The following GPC5 variants were observed in gnomAD, a reference collection of about 807,000 sequenced individuals.
The protein encoded by GPC5 is glypican-5.
GPC5 carries 47 observed loss-of-function variants against 53.9 expected under a neutral mutation model. The ratio of observed to expected loss-of-function variants is 0.87; its 90% CI spans 0.69 to 1.11. The LOEUF (loss-of-function observed/expected upper bound fraction) is 1.11. Ranked by LOEUF, GPC5 falls within the 50% of genes most tolerant of loss-of-function variation. GPC5 has a pLI of 0.00. For synonymous variants in GPC5, 286 were observed against 263.3 expected (o/e 1.09, Z -0.84); for missense variants, 748 against 713.1 (o/e 1.05, Z -0.56).
intron 7 of GPC5, among the ~76,000 whole-genome samples, chr13:92,658,709 A>G (rs1886220381): frequency 6.6e-6 from 1 of 152,182 alleles, no homozygotes; most frequent in South Asian, 2.1e-4. Flanking sequence ...AAAATGACAT[A>G]AAGCATAAGG....
At chr13:92,175,693 T>C (rs2042104355) in intron 7 of GPC5, among the ~76,000 whole-genome samples, 1 of 152,162 alleles carries the variant, frequency 6.6e-6, no homozygotes, top group Admixed American at 6.5e-5. Context: ...TGTTCTTTAT[T>C]AACTGTAACA....
intron 7 of GPC5, among the ~76,000 whole-genome samples, chr13:92,759,078 C>A (rs1182330548): frequency 4.1e-5 from 5 of 121,690 alleles, no homozygotes; most frequent in South Asian, 2.8e-4. Context: ...TCCGGACTTT[C>A]TACTCTATCC....
chr13:92,786,407 A>G (rs916704307), intron 7 of GPC5, among the ~76,000 whole-genome samples: 6 of 152,100 alleles, frequency 3.9e-5, no homozygotes, highest in African/African-American at 1.2e-4. Flanking sequence ...GTAATAGGAG[A>G]TAACTGGATA....
intron 7 of GPC5, among the ~76,000 whole-genome samples, chr13:92,507,380 A>G (rs999976268): frequency 6.6e-6 from 1 of 152,256 alleles, no homozygotes; most frequent in African/African-American, 2.4e-5. Flanking sequence ...TGAAACAATG[A>G]ATGAATGAAT....
At chr13:92,848,478 G>A (rs1878681865) in intron 7 of GPC5, among the ~76,000 whole-genome samples, 1 of 151,844 alleles carries the variant, frequency 6.6e-6, no homozygotes, top group Non-Finnish European at 1.5e-5. Context: ...CTAAATGTAG[G>A]GTACTATGAA....
At position 91,599,177 on chromosome 13, in the gene GPC5, A is replaced by G. The variant is rs9515946; in HGVS notation, c.326-94010A>G. Reference sequence around the variant, plus strand: ...ATGCCTAGTAATTTAAAAATTTCCTATGAAATATTATTCCATACTTATAAT... The same window carrying G: ...ATGCCTAGTAATTTAAAAATTTCCTGTGAAATATTATTCCATACTTATAAT... On this transcript the variant is annotated intron_variant, in intron 2 of 7. Transcript: ENST00000377067. Among the ~76,000 whole-genome samples, 995 of 152,246 alleles carry G rather than the reference A, an allele frequency of 6.5e-3. 6 individuals carry two copies. The highest frequency in any genetic ancestry group is 0.011 in the Non-Finnish European group (743 of 67,998).
At chr13:92,120,052 T>G (rs1301311995) in intron 6 of GPC5, among the ~76,000 whole-genome samples, 1 of 152,144 alleles carries the variant, frequency 6.6e-6, no homozygotes, top group Non-Finnish European at 1.5e-5. Flanking sequence ...CTATAAAAGT[T>G]GCCTAATCAG....
chr13:91,887,566 C>A (rs918724956), intron 5 of GPC5, among the ~76,000 whole-genome samples: 2 of 152,056 alleles, frequency 1.3e-5, no homozygotes, highest in East Asian at 1.9e-4. Context: ...TTTTCCAAAC[C>A]TTTATGCTCT....
chr13:92,420,413 A>G (rs1876505653), intron 7 of GPC5, among the ~76,000 whole-genome samples: 1 of 152,058 alleles, frequency 6.6e-6, no homozygotes, highest in South Asian at 2.1e-4. Flanking sequence ...CATGCTTTGT[A>G]CCATGTTTTG....
chr13:92,542,460 C>A (rs1380047170), intron 7 of GPC5, among the ~76,000 whole-genome samples: 2 of 152,008 alleles, frequency 1.3e-5, no homozygotes, highest in Non-Finnish European at 2.9e-5. Flanking sequence ...CGGTGCCTGG[C>A]TCATTTCCCT....
At chr13:91,432,184 ACTG>A (rs1260967783) in intron 1 of GPC5, among the ~76,000 whole-genome samples, 7 of 129,304 alleles carry the variant, frequency 5.4e-5, no homozygotes, top group South Asian at 2.8e-4. Flanking sequence ...TGCTGCTTCC[ACTG>A]CTGCTGCTGC....
At chr13:92,576,875 T>G (rs567335739) in intron 7 of GPC5, among the ~76,000 whole-genome samples, 1 of 152,314 alleles carries the variant, frequency 6.6e-6, no homozygotes, top group South Asian at 2.1e-4. Context: ...CTACTTCACC[T>G]GTATATAGCT....
At chr13:91,765,049 A>G (rs1310378668) in intron 5 of GPC5, among the ~76,000 whole-genome samples, 1 of 152,194 alleles carries the variant, frequency 6.6e-6, no homozygotes, top group Non-Finnish European at 1.5e-5. Flanking sequence ...AGCCCATAGA[A>G]ACCTTCCCTC....
chr13:92,058,308 T>C (rs1016137348), intron 6 of GPC5, among the ~76,000 whole-genome samples: 3 of 152,162 alleles, frequency 2.0e-5, no homozygotes, highest in Non-Finnish European at 2.9e-5. Context: ...ATTAGAAGTG[T>C]AAGCCACTGT....
chr13:91,655,504 A>G (rs2034823790), intron 2 of GPC5, among the ~76,000 whole-genome samples: 1 of 152,124 alleles, frequency 6.6e-6, no homozygotes, highest in African/African-American at 2.4e-5. Context: ...ATAAAATAAA[A>G]TCTCAAAAGG....
intron 7 of GPC5, among the ~76,000 whole-genome samples, chr13:92,221,525 C>T (rs1038749121): frequency 6.6e-6 from 1 of 152,006 alleles, no homozygotes; most frequent in Non-Finnish European, 1.5e-5. Flanking sequence ...TTCCCAACAC[C>T]CTCTCCCACA....
chr13:92,288,361 G>A (rs2042970720), intron 7 of GPC5, among the ~76,000 whole-genome samples: 1 of 152,128 alleles, frequency 6.6e-6, no homozygotes, highest in Non-Finnish European at 1.5e-5. Context: ...ATTTTGTAAT[G>A]TGGTAACTCT....
chr13:91,993,444 G>A (rs149964952), intron 6 of GPC5, among the ~76,000 whole-genome samples: 2 of 152,108 alleles, frequency 1.3e-5, no homozygotes, highest in East Asian at 1.9e-4. Context: ...AGATTTGAAA[G>A]GGAGAATATA....
chr13:91,886,204 C>T (rs760970433), intron 5 of GPC5, among the ~76,000 whole-genome samples: 21 of 152,014 alleles, frequency 1.4e-4, no homozygotes, highest in Non-Finnish European at 2.6e-4. Flanking sequence ...TACATGGTGG[C>T]GGGCAAGAGA....
Sources: allele counts gnomAD v4.1 joint callset (sites outside exome capture counted in the v4.1 genomes callset), GRCh38; gene constraint gnomAD v4.1.1; transcripts MANE v1.5; gene names NCBI Gene and HGNC (gene_info 2026-07-23, HGNC 2026-07-21).